Variants in RHBDD1 observed in about 807,000 individuals in gnomAD.
RHBDD1 encodes the protein rhomboid domain containing 1, also known as rhomboid-related protein 4.
In RHBDD1, 38 loss-of-function variants were observed where a neutral mutation model predicts 36.3. That is an observed-to-expected ratio of 1.05 (90% CI 0.81 to 1.37). RHBDD1 has a LOEUF of 1.37. Ranked by LOEUF, RHBDD1 falls within the 40% of genes most tolerant of loss-of-function variation. RHBDD1 has a pLI of 0.00. For synonymous variants in RHBDD1, 151 were observed against 136.5 expected (o/e 1.11, Z -0.74); for missense variants, 393 against 377.6 (o/e 1.04, Z -0.34).
chr2:226,836,054 G>A lies in RHBDD1; in HGVS notation c.-425G>A, dbSNP rs552309120. On this transcript the variant is annotated 5_prime_UTR_variant, in exon 1 of 9. Transcript: ENST00000392062. The stretch of plus-strand genomic sequence containing the variant: ...CGTGCGTGATGACGCACGTGCGCGC[G>A]AAGACGTGGGGACGCAGGCGGGTCG... 1.3e-5 allele frequency: 2 copies of A among 152,840 alleles called. No individual in the cohort carries two copies. Among genetic ancestry groups the A allele is most frequent in the South Asian group, 4.1e-4 (2 of 4,836 alleles). The allele number at this position is 152,840 out of a possible 1,614,324, so 9.5% of individuals were successfully genotyped here. A position where few individuals can be genotyped will look rare whatever the true frequency, so the allele number is the denominator to read the frequency against.
chr2:226,879,054 G>T lies in RHBDD1; in HGVS notation c.566+11736G>T, dbSNP rs550315280. On this transcript the variant is annotated intron_variant, in intron 5 of 8. Transcript: ENST00000392062. ...TAAAAGGACGTGAAATCAATTTAGTGTGTCACAACTGGCATTCCAAAAAAA... is the reference window on the plus strand; with the variant it reads ...TAAAAGGACGTGAAATCAATTTAGTTTGTCACAACTGGCATTCCAAAAAAA... Among the ~76,000 whole-genome samples the T allele has an allele frequency of 1.0e-4, 14 of 135,912 alleles. No individual in the cohort carries two copies. The South Asian group carries it at 3.0e-3, about 29-fold the overall frequency. 89.2% of individuals were successfully genotyped at this position (135,912 alleles called of 152,430 possible).
chr2:226,887,479 G>A (rs1946325429), intron 5 of RHBDD1, among the ~76,000 whole-genome samples: 1 of 152,210 alleles, frequency 6.6e-6, no homozygotes, highest in Non-Finnish European at 1.5e-5. Flanking sequence ...TTTAGTTAAA[G>A]GGTGGTATAA....
intron 5 of RHBDD1, among the ~76,000 whole-genome samples, chr2:226,882,430 C>CAAAAAAA (rs58149634): frequency 1.1e-4 from 6 of 57,068 alleles, no homozygotes; most frequent in Non-Finnish European, 1.9e-4. Flanking sequence ...GACTTTGCCT[C>CAAAAAAA]AAAAAAAAAA....
chr2:226,906,091 A>G (rs1217285420), intron 5 of RHBDD1, among the ~76,000 whole-genome samples: 1 of 152,212 alleles, frequency 6.6e-6, no homozygotes, highest in Admixed American at 6.5e-5. Flanking sequence ...ACTTGGGTCA[A>G]AGTAGACCTC....
At chr2:226,815,421 A>T in the RHBDD1 span, among the ~76,000 whole-genome samples, 1 of 152,184 alleles carries the variant, frequency 6.6e-6, no homozygotes, top group Admixed American at 6.5e-5. Flanking sequence ...TAGTTTGGAG[A>T]TTCTCTTTTC....
chr2:226,847,551 C>G (rs540360633), intron 3 of RHBDD1, among the ~76,000 whole-genome samples: 3 of 152,318 alleles, frequency 2.0e-5, no homozygotes, highest in South Asian at 2.1e-4. Context: ...TTGAGTGGCT[C>G]TCAGCAGAGG....
chr2:226,908,944 G>A (rs757641567), intron 7 of RHBDD1, 66 bp downstream of exon 7: 40 of 1,048,252 alleles, frequency 3.8e-5, no homozygotes, highest in Admixed American at 5.3e-5. Context: ...CAGCTCTACA[G>A]AGTACTTTAG....
chr2:226,856,619 G>A (rs1046804344), intron 3 of RHBDD1, among the ~76,000 whole-genome samples: 1 of 152,132 alleles, frequency 6.6e-6, no homozygotes, highest in African/African-American at 2.4e-5. Context: ...ACAGGGGTTG[G>A]AAGAAAAGCT....
chr2:226,867,824 T>G (rs868245374), intron 5 of RHBDD1: 1 of 211,646 alleles, frequency 4.7e-6, no homozygotes, highest in African/African-American at 2.4e-5. Flanking sequence ...GTTCAAGCAA[T>G]TCTCCTGCCT....
At chr2:226,834,985 A>C (rs1007440536), upstream of RHBDD1, among the ~76,000 whole-genome samples, 2 of 152,208 alleles carry the variant, frequency 1.3e-5, no homozygotes, top group African/African-American at 2.4e-5. Context: ...CATGTTGGCC[A>C]GGCTGGTTTT....
chr2:226,930,424 A>G (rs1264357472), intron 8 of RHBDD1, among the ~76,000 whole-genome samples: 2 of 152,090 alleles, frequency 1.3e-5, no homozygotes, highest in African/African-American at 4.8e-5. Flanking sequence ...TATTCAATAA[A>G]TGGTGCTGGG....
At chr2:226,894,462 G>A (rs1250533959) in intron 5 of RHBDD1, among the ~76,000 whole-genome samples, 2 of 151,998 alleles carry the variant, frequency 1.3e-5, no homozygotes, top group African/African-American at 4.8e-5. Context: ...GTAGAGATGG[G>A]GTTTCACCAT....
At chr2:226,957,128 C>T (rs1198958113) in intron 8 of RHBDD1, among the ~76,000 whole-genome samples, 1 of 152,202 alleles carries the variant, frequency 6.6e-6, no homozygotes, top group Admixed American at 6.5e-5. Context: ...GGATGAAATT[C>T]ACCCCAGATT....
At chr2:226,848,266 G>A (rs1435879871) in intron 3 of RHBDD1, among the ~76,000 whole-genome samples, 1 of 152,150 alleles carries the variant, frequency 6.6e-6, no homozygotes, top group South Asian at 2.1e-4. Context: ...AATTGATGTA[G>A]AATATAAGTT....
chr2:226,858,523 A>G (rs1324690158), intron 3 of RHBDD1, among the ~76,000 whole-genome samples: 2 of 152,210 alleles, frequency 1.3e-5, no homozygotes, highest in Non-Finnish European at 2.9e-5. Context: ...TATTCTTGCA[A>G]TTTAATGGTC....
chr2:226,803,392 A>C, the RHBDD1 span, among the ~76,000 whole-genome samples: 1 of 152,162 alleles, frequency 6.6e-6, no homozygotes, highest in East Asian at 1.9e-4. Flanking sequence ...GATGGATGAA[A>C]TAACTACTTA....
intron 8 of RHBDD1, among the ~76,000 whole-genome samples, chr2:226,953,794 T>C (rs981810795): frequency 1.3e-5 from 2 of 152,160 alleles, no homozygotes; most frequent in Non-Finnish European, 2.9e-5. Flanking sequence ...TTATTTTAAG[T>C]TTTAATGGGT....
the RHBDD1 span, among the ~76,000 whole-genome samples, chr2:226,815,749 T>TA: frequency 1.1e-4 from 16 of 152,224 alleles, no homozygotes; most frequent in Non-Finnish European, 1.5e-5. Flanking sequence ...GGCCACTATA[T>TA]TTGTTTCTGG....
chr2:226,903,406 G>C (rs1335266531), intron 5 of RHBDD1, among the ~76,000 whole-genome samples: 1 of 152,176 alleles, frequency 6.6e-6, no homozygotes, highest in Non-Finnish European at 1.5e-5. Flanking sequence ...TGCTGTCTCT[G>C]CTACCCACCC....
Sources: gnomAD v4.1 joint callset for allele counts (sites outside exome capture counted in the v4.1 genomes callset) on GRCh38, gnomAD v4.1.1 for gene constraint, MANE v1.5 for transcripts, NCBI Gene and HGNC (gene_info 2026-07-23, HGNC 2026-07-21) for gene names.